Variants in TRIO observed in about 807,000 individuals in gnomAD.
The protein encoded by TRIO is trio Rho guanine nucleotide exchange factor.
In TRIO, 58 loss-of-function variants were observed where a neutral mutation model predicts 351.9. The ratio of observed to expected loss-of-function variants is 0.16; its 90% CI spans 0.13 to 0.21. The LOEUF (loss-of-function observed/expected upper bound fraction) is 0.21, where lower values mean the gene tolerates loss of function less well. TRIO is among the 10% of genes least tolerant of loss of function. The probability of loss-of-function intolerance (pLI) is 1.00; values close to 1 mark genes in which losing one functional copy is unlikely to be tolerated. For synonymous variants in TRIO, 1,758 were observed against 1,595.7 expected (o/e 1.10, Z -2.42); for missense variants, 3,201 against 4,027.8 (o/e 0.79, Z 5.56).
At chr5:14,479,403 A>C in intron 42 of TRIO, 53 bp downstream of exon 42, 1 of 1,492,694 alleles carries the variant, frequency 6.7e-7, no homozygotes, top group South Asian at 1.2e-5. Flanking sequence ...GTTCCAACTT[A>C]TTTCTAAAAA....
chr5:14,434,710 A>T (rs770622615), intron 34 of TRIO, among the ~76,000 whole-genome samples: 1 of 152,186 alleles, frequency 6.6e-6, no homozygotes, highest in Non-Finnish European at 1.5e-5. Flanking sequence ...CTTAATAGTC[A>T]ATTAAGAATC....
chr5:14,228,377 A>G (rs1793181132), intron 1 of TRIO, among the ~76,000 whole-genome samples: 1 of 152,230 alleles, frequency 6.6e-6, no homozygotes, highest in Non-Finnish European at 1.5e-5. Flanking sequence ...GTGGTTGACA[A>G]AAGTACGTCA....
In TRIO at chr5:14,461,007, T is replaced by G; in HGVS notation, c.5204-12T>G. 6.5e-7 allele frequency: 1 copy of G among 1,548,988 alleles called. No individual in the cohort carries two copies. The highest frequency in any genetic ancestry group is 1.4e-5 in the African/African-American group (1 of 73,060). Reference sequence around the variant, plus strand: ...GCGAGTCAGTGATACTCCCTCTCTTTCTCCCTGGCAGACTCGCTCTCCGTC... The same window carrying G: ...GCGAGTCAGTGATACTCCCTCTCTTGCTCCCTGGCAGACTCGCTCTCCGTC... On this transcript the variant is annotated splice_polypyrimidine_tract_variant and intron_variant, in intron 34 of 56. Transcript: ENST00000344204.
At position 14,462,832 on chromosome 5, in the gene TRIO, G is replaced by A; in HGVS notation, c.5574G>A (p.Glu1858=). The change falls in exon 36 of 57, where the codon GAG becomes GAA. Residue 1858 remains glutamate, a synonymous_variant. Coordinates refer to ENST00000344204, the MANE Select transcript of TRIO (RefSeq NM_007118.4). ...CGGGGATGCAGAGCTGTGGAGAAGA[G>A]GAAGGCGAGGAGGGGGCCGACGCCG... is the stretch of plus-strand genomic sequence containing the variant. The part of the protein sequence containing the change: ...SSSGMQSCGE[E]EGEEGADAVP... 6.2e-7 allele frequency: 1 copy of A among 1,614,130 alleles called. No individual in the cohort carries two copies. The highest frequency in any genetic ancestry group is 2.2e-5 in the East Asian group (1 of 44,882).
At chr5:14,184,006 T>C (rs767124615) in intron 1 of TRIO, 3 of 697,682 alleles carry the variant, frequency 4.3e-6, no homozygotes, top group Non-Finnish European at 7.9e-6. Context: ...TTATTTTGGC[T>C]CTCTGATGTG....
Position 14,474,336 on chromosome 5 carries a change from AG to A in TRIO, c.6083+240del, listed in dbSNP as rs372814469. ...ATGTCGAGAGTCTGTGGAAGGGAGTAGCTGGAAGCACCAGCGTGGAGCCAGC... is the reference window on the plus strand; with the variant it reads ...ATGTCGAGAGTCTGTGGAAGGGAGTACTGGAAGCACCAGCGTGGAGCCAGC... On this transcript the variant is annotated intron_variant, in intron 40 of 56. Transcript: ENST00000344204. Among the ~76,000 whole-genome samples, 635 of 152,328 alleles carry A rather than the reference AG, an allele frequency of 4.2e-3. 3 individuals are homozygous for A. The highest frequency in any genetic ancestry group is 0.014 in the African/African-American group (596 of 41,564).
At chr5:14,505,520 G>A (rs939543822) in intron 55 of TRIO, among the ~76,000 whole-genome samples, 3 of 152,202 alleles carry the variant, frequency 2.0e-5, no homozygotes, top group Non-Finnish European at 4.4e-5. Flanking sequence ...TTAGCAGGGC[G>A]CCCCCATGGG....
intron 26 of TRIO, 90 bp downstream of exon 26, chr5:14,390,390 C>G: frequency 6.0e-6 from 7 of 1,167,912 alleles, no homozygotes; most frequent in Non-Finnish European, 6.3e-6. Context: ...CTTTAAGTCA[C>G]CATCTTCTGC....
intron 37 of TRIO, among the ~76,000 whole-genome samples, chr5:14,467,226 A>C (rs1190680840): frequency 6.6e-6 from 1 of 152,252 alleles, no homozygotes; most frequent in African/African-American, 2.4e-5. Flanking sequence ...TTGCTAAATC[A>C]GAGTATACTT....
At chr5:14,453,959 G>T (rs1387573943) in intron 34 of TRIO, among the ~76,000 whole-genome samples, 2 of 151,414 alleles carry the variant, frequency 1.3e-5, no homozygotes, top group African/African-American at 2.4e-5. Context: ...TTTGAGACAG[G>T]GTCTCACTCA....
At chr5:14,225,791 C>CT (rs1792959607) in intron 1 of TRIO, among the ~76,000 whole-genome samples, 3 of 81,332 alleles carry the variant, frequency 3.7e-5, no homozygotes, top group African/African-American at 1.1e-4. Flanking sequence ...TCACTGCTCC[C>CT]ACCCCCCCCC....
chr5:14,351,750 C>T (rs890123480), intron 11 of TRIO, among the ~76,000 whole-genome samples: 3 of 152,194 alleles, frequency 2.0e-5, no homozygotes, highest in Admixed American at 2.0e-4. Context: ...CCTTCCATAC[C>T]CCACCTCCAG....
At chr5:14,391,796 G>A (rs1055299110) in intron 27 of TRIO, among the ~76,000 whole-genome samples, 7 of 152,212 alleles carry the variant, frequency 4.6e-5, no homozygotes, top group East Asian at 1.9e-4. Flanking sequence ...GAAAGTCTGG[G>A]GAAGTAGAAT....
intron 19 of TRIO, 132 bp downstream of exon 19, chr5:14,374,475 C>G: frequency 1.9e-6 from 1 of 537,900 alleles, no homozygotes; most frequent in Non-Finnish European, 3.2e-6. Flanking sequence ...TAATGAAGTC[C>G]TTACTAATGA....
At chr5:14,274,791 A>G (rs1255633025) in intron 2 of TRIO, among the ~76,000 whole-genome samples, 1 of 152,140 alleles carries the variant, frequency 6.6e-6, no homozygotes, top group Non-Finnish European at 1.5e-5. Context: ...TTCATTACAC[A>G]TTTTCTCTCT....
At chr5:14,461,377 G>C in intron 35 of TRIO, 66 bp downstream of exon 35, 1 of 1,438,700 alleles carries the variant, frequency 7.0e-7, no homozygotes, top group Non-Finnish European at 9.1e-7. Context: ...TGCAAGAATA[G>C]TTGCTGATCT....
At chr5:14,398,475 G>A (rs551875548) in intron 29 of TRIO, among the ~76,000 whole-genome samples, 5 of 152,224 alleles carry the variant, frequency 3.3e-5, no homozygotes, top group African/African-American at 4.8e-5. Flanking sequence ...GAATCAAGAC[G>A]GAGGCTGGGA....
intron 34 of TRIO, among the ~76,000 whole-genome samples, chr5:14,452,707 A>G (rs1034067704): frequency 7.2e-5 from 11 of 152,202 alleles, no homozygotes; most frequent in Non-Finnish European, 1.2e-4. Context: ...AACCTTTTCA[A>G]ATTCAGAGGC....
chr5:14,459,677 G>A (rs1441820943), intron 34 of TRIO, among the ~76,000 whole-genome samples: 1 of 152,200 alleles, frequency 6.6e-6, no homozygotes, highest in Non-Finnish European at 1.5e-5. Flanking sequence ...GGCAGAGATT[G>A]CAGTGAGCTG....
Sources: gnomAD v4.1 joint callset for allele counts (sites outside exome capture counted in the v4.1 genomes callset) on GRCh38, gnomAD v4.1.1 for gene constraint, MANE v1.5 for transcripts, NCBI Gene and HGNC (gene_info 2026-07-23, HGNC 2026-07-21) for gene names.